CTNND2: variants seen among roughly 807,000 people sequenced by gnomAD.
The protein encoded by CTNND2 is catenin delta 2, also known as catenin delta-2.
CTNND2 carries 22 observed loss-of-function variants against 144.4 expected under a neutral mutation model. That is an observed-to-expected ratio of 0.15 (90% CI 0.11 to 0.22). The LOEUF is 0.22. Among genes scored for constraint, CTNND2 ranks in the 10% least tolerant of loss-of-function variants. The pLI is 1.00. For synonymous variants in CTNND2, 751 were observed against 695.6 expected, an observed-to-expected ratio of 1.08 and a Z score of -1.25; for missense variants, 1,353 against 1,618.8, an observed-to-expected ratio of 0.84 and a Z score of 2.82.
chr5:11,133,423 G>A (rs1233058085), intron 12 of CTNND2, among the ~76,000 whole-genome samples: 1 of 152,004 alleles, frequency 6.6e-6, no homozygotes, highest in Non-Finnish European at 1.5e-5. Context: ...TGCGATCTTG[G>A]CTCACTGCAA....
At chr5:11,129,490 C>T (rs1053135447) in intron 12 of CTNND2, among the ~76,000 whole-genome samples, 3 of 149,376 alleles carry the variant, frequency 2.0e-5, no homozygotes, top group Non-Finnish European at 2.9e-5. Flanking sequence ...GTTGGGATGA[C>T]GCACTTTCTG....
chr5:11,555,642 A>G (rs1465859423), intron 3 of CTNND2, among the ~76,000 whole-genome samples: 1 of 152,126 alleles, frequency 6.6e-6, no homozygotes, highest in Non-Finnish European at 1.5e-5. Context: ...AGGAAAGACT[A>G]TAAGAAGGAA....
chr5:11,452,028 A>T (rs1009342553), intron 3 of CTNND2, among the ~76,000 whole-genome samples: 1 of 152,232 alleles, frequency 6.6e-6, no homozygotes, highest in Admixed American at 6.5e-5. Context: ...TCCAAGGCAT[A>T]ATTTTAAATT....
chr5:10,972,304 T>C lies in CTNND2; in HGVS notation c.*1149A>G, dbSNP rs1367995622. 1 of 152,554 alleles carries C rather than the reference T, an allele frequency of 6.6e-6. No individual in the cohort carries two copies. Among genetic ancestry groups the C allele is most frequent in the African/African-American group, 2.4e-5 (1 of 41,454 alleles). The allele number at this position is 152,554 out of a possible 1,614,324, so 9.5% of individuals were successfully genotyped here. A position where few individuals can be genotyped will look rare whatever the true frequency, so the allele number is the denominator to read the frequency against. ...GTCACTAGATGGTCAGAAGAATAGA[T>C]ACAGTACAAAAGGAACAAACTGATG... is the stretch of plus-strand genomic sequence containing the variant. On this transcript the variant is annotated 3_prime_UTR_variant, in exon 22 of 22. Coordinates refer to ENST00000304623, the MANE Select transcript of CTNND2 (RefSeq NM_001332.4).
At chr5:11,419,067 TATAGAG>T (rs1762150147) in intron 3 of CTNND2, among the ~76,000 whole-genome samples, 3 of 132,548 alleles carry the variant, frequency 2.3e-5, no homozygotes, top group African/African-American at 1.2e-4. Context: ...TAGATATATA[TATAGAG>T]AGAGAGAGAA....
At chr5:11,492,505 A>ATGTGTGTG (rs33995105) in intron 3 of CTNND2, among the ~76,000 whole-genome samples, 4 of 140,358 alleles carry the variant, frequency 2.8e-5, no homozygotes, top group East Asian at 2.0e-4. Flanking sequence ...ATATATATAT[A>ATGTGTGTG]TGTGTGTGTG....
chr5:11,392,558 C>T (rs745429893), intron 6 of CTNND2, among the ~76,000 whole-genome samples: 17 of 152,070 alleles, frequency 1.1e-4, no homozygotes, highest in Non-Finnish European at 2.2e-4. Context: ...ACATATACAC[C>T]CTCTCTGCCA....
intron 10 of CTNND2, among the ~76,000 whole-genome samples, chr5:11,209,465 A>C (rs1738393546): frequency 6.6e-6 from 1 of 152,228 alleles, no homozygotes; most frequent in African/African-American, 2.4e-5. Context: ...TCACACCTAA[A>C]GGTCTTAGAG....
chr5:11,012,887 A>G (rs996515586), intron 18 of CTNND2, among the ~76,000 whole-genome samples: 2 of 152,224 alleles, frequency 1.3e-5, no homozygotes, highest in African/African-American at 4.8e-5. Context: ...ATATTACCAA[A>G]GGGATACCAA....
chr5:11,716,434 G>T (rs1218484461), intron 2 of CTNND2, among the ~76,000 whole-genome samples: 2 of 152,106 alleles, frequency 1.3e-5, no homozygotes, highest in Admixed American at 1.3e-4. Context: ...GAATAAGAGA[G>T]ATTATTTACT....
At chr5:11,283,922 G>C (rs964377965) in intron 9 of CTNND2, among the ~76,000 whole-genome samples, 7 of 152,156 alleles carry the variant, frequency 4.6e-5, no homozygotes, top group African/African-American at 1.4e-4. Context: ...TGTTCACGTC[G>C]TCTGACGTGT....
intron 2 of CTNND2, among the ~76,000 whole-genome samples, chr5:11,663,346 A>C (rs1783383076): frequency 6.6e-6 from 1 of 152,228 alleles, no homozygotes; most frequent in Non-Finnish European, 1.5e-5. Flanking sequence ...TGAGTTTTCC[A>C]TTCCTATCTG....
chr5:11,307,303 T>TTG, intron 9 of CTNND2, among the ~76,000 whole-genome samples: 1 of 98,968 alleles, frequency 1.0e-5, no homozygotes, highest in East Asian at 2.9e-4. Context: ...AAAGGTAGAG[T>TTG]AGTGTGTGTG....
chr5:11,198,895 T>A (rs1387891748), intron 11 of CTNND2, among the ~76,000 whole-genome samples: 1 of 152,224 alleles, frequency 6.6e-6, no homozygotes, highest in Non-Finnish European at 1.5e-5. Context: ...GACTATGGTG[T>A]GGCTACTATA....
chr5:11,528,416 A>T (rs1206343221), intron 3 of CTNND2, among the ~76,000 whole-genome samples: 4 of 148,556 alleles, frequency 2.7e-5, no homozygotes, highest in South Asian at 2.1e-4. Flanking sequence ...TAGTTCACAT[A>T]AAAAAAAAAT....
chr5:11,884,083 G>A (rs1415808196), intron 1 of CTNND2, among the ~76,000 whole-genome samples: 1 of 152,064 alleles, frequency 6.6e-6, no homozygotes, highest in Non-Finnish European at 1.5e-5. Context: ...TTAGCCCTTT[G>A]TCAGATGGGT....
At chr5:11,104,203 G>C (rs1752189510) in intron 14 of CTNND2, among the ~76,000 whole-genome samples, 2 of 152,198 alleles carry the variant, frequency 1.3e-5, no homozygotes, top group Admixed American at 1.3e-4. Flanking sequence ...CATTTTTTAA[G>C]ATATTTCAGT....
chr5:11,544,961 G>C (rs891554385), intron 3 of CTNND2, among the ~76,000 whole-genome samples: 1 of 151,726 alleles, frequency 6.6e-6, no homozygotes, highest in Non-Finnish European at 1.5e-5. Context: ...TACTAAAAAA[G>C]TTACAAAAAA....
chr5:11,129,638 A>T (rs1177297786), intron 12 of CTNND2, among the ~76,000 whole-genome samples: 1 of 151,872 alleles, frequency 6.6e-6, no homozygotes, highest in Non-Finnish European at 1.5e-5. Flanking sequence ...CTGCCAGAAA[A>T]GTCCCCTGAA....
Sources: gnomAD v4.1 joint callset for allele counts (sites outside exome capture counted in the v4.1 genomes callset) on GRCh38, gnomAD v4.1.1 for gene constraint, MANE v1.5 for transcripts, NCBI Gene and HGNC (gene_info 2026-07-23, HGNC 2026-07-21) for gene names.